Variants in MARCHF1 observed in about 807,000 individuals in gnomAD.
MARCHF1 encodes membrane associated ring-CH-type finger 1, also known as E3 ubiquitin-protein ligase MARCHF1.
In MARCHF1, 40 loss-of-function variants were observed where a neutral mutation model predicts 54.2. The observed-to-expected ratio is 0.74, with a 90% CI of 0.57 to 0.96. The LOEUF is 0.96. MARCHF1 is among the 40% of genes least tolerant of loss of function. The pLI is 0.00. For synonymous variants in MARCHF1, 236 were observed against 236.3 expected, an observed-to-expected ratio of 1.00 and a Z score of 0.01; for missense variants, 586 against 656.5, an observed-to-expected ratio of 0.89 and a Z score of 1.17.
At chr4:164,023,965 T>C (rs955065099) in intron 2 of MARCHF1, among the ~76,000 whole-genome samples, 1 of 152,050 alleles carries the variant, frequency 6.6e-6, no homozygotes, top group African/African-American at 2.4e-5. Context: ...ATTAGCAGAA[T>C]AAACCAAGAT....
intron 5 of MARCHF1, among the ~76,000 whole-genome samples, chr4:163,695,201 G>C (rs938416427): frequency 9.2e-5 from 14 of 152,132 alleles, no homozygotes; most frequent in African/African-American, 2.9e-4. Flanking sequence ...TTATACATAA[G>C]AAACACTTTC....
At chr4:164,078,507 C>A (rs1755025895) in intron 2 of MARCHF1, among the ~76,000 whole-genome samples, 1 of 150,466 alleles carries the variant, frequency 6.6e-6, no homozygotes, top group African/African-American at 2.4e-5. Context: ...TGCACATGTA[C>A]CCCAGAACTT....
chr4:163,787,670 C>T (rs1205467745), intron 4 of MARCHF1, among the ~76,000 whole-genome samples: 1 of 151,752 alleles, frequency 6.6e-6, no homozygotes, highest in Non-Finnish European at 1.5e-5. Context: ...TATGAGAGTC[C>T]CTTAAAAATA....
At chr4:164,082,348 A>G (rs1195072199) in intron 2 of MARCHF1, among the ~76,000 whole-genome samples, 1 of 152,198 alleles carries the variant, frequency 6.6e-6, no homozygotes, top group Non-Finnish European at 1.5e-5. Context: ...AGATATATCA[A>G]TTTACAGGCC....
intron 4 of MARCHF1, among the ~76,000 whole-genome samples, chr4:163,795,505 C>T (rs1039597310): frequency 6.6e-6 from 1 of 152,236 alleles, no homozygotes; most frequent in Non-Finnish European, 1.5e-5. Flanking sequence ...GCTGGGATTA[C>T]AGGCGTAAGC....
At chr4:164,037,939 A>T (rs1754044003) in intron 2 of MARCHF1, among the ~76,000 whole-genome samples, 2 of 152,172 alleles carry the variant, frequency 1.3e-5, no homozygotes, top group Non-Finnish European at 2.9e-5. Flanking sequence ...AAATTCCGGA[A>T]ATGGAGAGAA....
In MARCHF1 at chr4:163,928,041, G is replaced by T. The variant is rs77104900; in HGVS notation, c.-39+60460C>A. On this transcript the variant is annotated intron_variant, in intron 3 of 9. Transcript: ENST00000514618. ...GAATTAGGCATTTGATGTTGAATGG[G>T]GTATATATATAGTTTACTCATGTTA... Among the ~76,000 whole-genome samples, 1,488 of 151,406 alleles carry T rather than the reference G, an allele frequency of 9.8e-3. 24 individuals carry two copies. The highest frequency in any genetic ancestry group is 0.032 in the African/African-American group (1,305 of 41,346).
chr4:164,169,620 T>A (rs905777522), intron 1 of MARCHF1, among the ~76,000 whole-genome samples: 1 of 152,136 alleles, frequency 6.6e-6, no homozygotes, highest in Non-Finnish European at 1.5e-5. Flanking sequence ...AAGAGAAATA[T>A]ATGTTTTTTA....
intron 1 of MARCHF1, among the ~76,000 whole-genome samples, chr4:164,265,147 T>A (rs867026050): frequency 1.1e-4 from 17 of 152,156 alleles, no homozygotes; most frequent in African/African-American, 4.1e-4. Flanking sequence ...ATATAAAGTA[T>A]AAATTTGTGA....
At chr4:163,589,070 G>GAAAAA (rs34118569) in intron 7 of MARCHF1, among the ~76,000 whole-genome samples, 1 of 128,030 alleles carries the variant, frequency 7.8e-6, no homozygotes, top group African/African-American at 2.9e-5. Context: ...TGTCTTATTT[G>GAAAAA]AAAAAAAAAA....
intron 3 of MARCHF1, among the ~76,000 whole-genome samples, chr4:163,870,720 T>TA (rs1750150828): frequency 1.3e-5 from 2 of 151,988 alleles, no homozygotes; most frequent in Non-Finnish European, 2.9e-5. Context: ...TTATGTTAAG[T>TA]GAAATAAGCC....
chr4:163,823,983 A>G (rs923017687), intron 4 of MARCHF1, among the ~76,000 whole-genome samples: 3 of 151,910 alleles, frequency 2.0e-5, no homozygotes, highest in Non-Finnish European at 4.4e-5. Flanking sequence ...TCCCCTATAT[A>G]TCATTCAAGT....
chr4:163,572,368 A>C (rs1739868948), intron 8 of MARCHF1, among the ~76,000 whole-genome samples: 1 of 150,648 alleles, frequency 6.6e-6, no homozygotes, highest in Non-Finnish European at 1.5e-5. Flanking sequence ...TTTTCACAAA[A>C]TCACAGGATT....
At chr4:164,093,783 C>T (rs895961141) in intron 2 of MARCHF1, among the ~76,000 whole-genome samples, 1 of 152,096 alleles carries the variant, frequency 6.6e-6, no homozygotes, top group African/African-American at 2.4e-5. Flanking sequence ...GAAGCCTTCT[C>T]AGCACAGCAC....
chr4:164,151,095 C>T (rs1024177806), intron 1 of MARCHF1, among the ~76,000 whole-genome samples: 2 of 152,180 alleles, frequency 1.3e-5, no homozygotes, highest in Admixed American at 6.5e-5. Context: ...CCAGAAAGAA[C>T]ATGATGCTGA....
At chr4:163,553,314 G>A (rs1460335006) in intron 8 of MARCHF1, among the ~76,000 whole-genome samples, 1 of 152,174 alleles carries the variant, frequency 6.6e-6, no homozygotes, top group Non-Finnish European at 1.5e-5. Context: ...GACCTCAGTT[G>A]TTCTTACTGT....
chr4:163,933,599 A>G (rs1312900246), intron 3 of MARCHF1, among the ~76,000 whole-genome samples: 1 of 152,242 alleles, frequency 6.6e-6, no homozygotes, highest in Non-Finnish European at 1.5e-5. Flanking sequence ...AGATATGAAA[A>G]TGTAGTTAAT....
intron 9 of MARCHF1, among the ~76,000 whole-genome samples, chr4:163,542,864 C>T (rs1261808641): frequency 6.6e-6 from 1 of 152,124 alleles, no homozygotes; most frequent in East Asian, 1.9e-4. Flanking sequence ...TAATGAGTTT[C>T]CCAGAGGAAG....
At chr4:163,636,565 A>G (rs1281023676) in intron 5 of MARCHF1, among the ~76,000 whole-genome samples, 1 of 150,976 alleles carries the variant, frequency 6.6e-6, no homozygotes, top group African/African-American at 2.4e-5. Flanking sequence ...TTCAAGGAGA[A>G]CTACAAACCA....
Sources: allele counts gnomAD v4.1 joint callset (sites outside exome capture counted in the v4.1 genomes callset), GRCh38; gene constraint gnomAD v4.1.1; transcripts MANE v1.5; gene names NCBI Gene and HGNC (gene_info 2026-07-23, HGNC 2026-07-21).